The following EYS variants were observed in gnomAD, a reference collection of about 807,000 sequenced individuals.
The protein encoded by EYS is protein eyes shut homolog.
In EYS, 250 loss-of-function variants were observed where a neutral mutation model predicts 282.1. The observed-to-expected ratio is 0.89, with a 90% confidence interval of 0.80 to 0.98. EYS has a LOEUF of 0.98. EYS is among the 50% of genes least tolerant of loss of function. The pLI, the probability that EYS is intolerant of heterozygous loss-of-function variation, is 0.00. For missense variants in EYS, 4,016 were observed against 3,709.0 expected (o/e 1.08, Z -2.15); for synonymous variants, 1,355 against 1,282.9 (o/e 1.06, Z -1.20).
intron 5 of EYS, among the ~76,000 whole-genome samples, chr6:65,443,311 C>T (rs1562186186): frequency 9.4e-6 from 1 of 106,096 alleles, no homozygotes; most frequent in Non-Finnish European, 2.3e-5. Flanking sequence ...TGTGTGTACA[C>T]ATATAGACAT....
At chr6:64,730,381 C>G (rs1210944450) in intron 22 of EYS, among the ~76,000 whole-genome samples, 1 of 152,180 alleles carries the variant, frequency 6.6e-6, no homozygotes, top group Non-Finnish European at 1.5e-5. Context: ...AGATAGCAAA[C>G]AAAGGCACTT....
intron 29 of EYS, among the ~76,000 whole-genome samples, chr6:64,383,467 C>A (rs943036532): frequency 6.6e-6 from 1 of 152,206 alleles, no homozygotes; most frequent in Non-Finnish European, 1.5e-5. Context: ...AGAATAGACA[C>A]CAGATGCCCA....
intron 2 of EYS, among the ~76,000 whole-genome samples, chr6:65,594,840 A>G (rs1380313265): frequency 2.6e-5 from 4 of 152,072 alleles, no homozygotes; most frequent in African/African-American, 4.8e-5. Flanking sequence ...TAATTTTTGT[A>G]TAAGGTGTAA....
At chr6:65,142,304 T>C (rs1343050198) in intron 12 of EYS, among the ~76,000 whole-genome samples, 1 of 139,226 alleles carries the variant, frequency 7.2e-6, no homozygotes, top group Non-Finnish European at 1.6e-5. Flanking sequence ...AAGGAAATGG[T>C]TAAGACAATT....
intron 22 of EYS, among the ~76,000 whole-genome samples, chr6:64,658,385 C>T (rs1458062843): frequency 6.6e-6 from 1 of 152,190 alleles, no homozygotes; most frequent in African/African-American, 2.4e-5. Context: ...CATTGTTCTG[C>T]TGCTGGTGAG....
At chr6:65,639,467 G>A (rs1767206218) in intron 2 of EYS, among the ~76,000 whole-genome samples, 1 of 151,728 alleles carries the variant, frequency 6.6e-6, no homozygotes. Context: ...TTATTTAAAT[G>A]CATCTCTTTC....
At chr6:64,058,683 T>G (rs868180942) in intron 33 of EYS, among the ~76,000 whole-genome samples, 22 of 152,176 alleles carry the variant, frequency 1.4e-4, no homozygotes, top group African/African-American at 5.1e-4. Context: ...TCTGCCCCAA[T>G]TTTTATAAAT....
At chr6:64,681,513 C>T (rs1295710534) in intron 22 of EYS, among the ~76,000 whole-genome samples, 1 of 152,152 alleles carries the variant, frequency 6.6e-6, no homozygotes, top group Non-Finnish European at 1.5e-5. Context: ...GGCAGTTAGA[C>T]AGGCATGAGT....
intron 13 of EYS, among the ~76,000 whole-genome samples, chr6:65,003,764 C>T (rs961348621): frequency 6.8e-6 from 1 of 147,314 alleles, no homozygotes; most frequent in African/African-American, 2.4e-5. Context: ...GGGCAGGTTA[C>T]CTGATACTGA....
At chr6:63,957,931 G>A (rs1303268412) in intron 35 of EYS, among the ~76,000 whole-genome samples, 1 of 140,730 alleles carries the variant, frequency 7.1e-6, no homozygotes, top group Non-Finnish European at 1.6e-5. Context: ...AAACAATTTA[G>A]TGCAACTTAC....
chr6:65,122,198 A>G (rs1187163042), intron 12 of EYS, among the ~76,000 whole-genome samples: 3 of 152,184 alleles, frequency 2.0e-5, no homozygotes, highest in Non-Finnish European at 4.4e-5. Context: ...AAAGTACAGA[A>G]TAACATATGC....
At chr6:65,679,483 A>G (rs1293364444) in intron 1 of EYS, among the ~76,000 whole-genome samples, 1 of 151,926 alleles carries the variant, frequency 6.6e-6, no homozygotes, top group Non-Finnish European at 1.5e-5. Context: ...AGTCACCAAA[A>G]AATAGTCAAA....
At chr6:63,930,506 C>A (rs1183569371) in intron 35 of EYS, among the ~76,000 whole-genome samples, 1 of 152,122 alleles carries the variant, frequency 6.6e-6, no homozygotes, top group Non-Finnish European at 1.5e-5. Flanking sequence ...TTCAAACTAG[C>A]ATACTGAAGG....
intron 29 of EYS, among the ~76,000 whole-genome samples, chr6:64,335,346 A>G (rs1027754880): frequency 3.5e-4 from 50 of 142,896 alleles, no homozygotes; most frequent in African/African-American, 1.2e-3. Context: ...CCAACTCCAC[A>G]TTCCTCAAAG....
At chr6:65,575,741 C>A (rs938058665) in intron 2 of EYS, among the ~76,000 whole-genome samples, 1 of 151,726 alleles carries the variant, frequency 6.6e-6, no homozygotes, top group Non-Finnish European at 1.5e-5. Context: ...ATATATGAAA[C>A]CAGAAATTAA....
intron 28 of EYS, among the ~76,000 whole-genome samples, chr6:64,398,715 A>G (rs888427038): frequency 6.6e-6 from 1 of 151,840 alleles, no homozygotes; most frequent in Non-Finnish European, 1.5e-5. Flanking sequence ...AAATCCTCCT[A>G]TCTGTATAAT....
chr6:64,846,638 G>A (rs1416553629), intron 19 of EYS, among the ~76,000 whole-genome samples: 2 of 152,006 alleles, frequency 1.3e-5, no homozygotes, highest in South Asian at 2.1e-4. Context: ...TCAGCTATCT[G>A]TTATATATTC....
At chr6:65,674,133 G>A (rs571263596) in intron 1 of EYS, among the ~76,000 whole-genome samples, 38 of 151,964 alleles carry the variant, frequency 2.5e-4, no homozygotes, top group Admixed American at 5.9e-4. Context: ...AGTGAAGAAA[G>A]CCTAAAAGAC....
At chr6:63,887,794 C>T (rs980907580) in intron 35 of EYS, among the ~76,000 whole-genome samples, 2 of 152,118 alleles carry the variant, frequency 1.3e-5, no homozygotes, top group African/African-American at 4.8e-5. Flanking sequence ...TACCTGGAAC[C>T]CCAGTGAGAC....
Sources: allele counts gnomAD v4.1 joint callset (sites outside exome capture counted in the v4.1 genomes callset), GRCh38; gene constraint gnomAD v4.1.1; transcripts MANE v1.5; gene names NCBI Gene and HGNC (gene_info 2026-07-23, HGNC 2026-07-21).